Variants in AJAP1 observed in about 807,000 individuals in gnomAD.
AJAP1 encodes the protein adherens junction-associated protein 1.
In AJAP1, 5 loss-of-function variants were observed where a neutral mutation model predicts 35.0. That is an observed-to-expected ratio of 0.14 (90% CI 0.07 to 0.30). AJAP1 has a LOEUF of 0.30. AJAP1 is among the 10% of genes least tolerant of loss of function. The pLI is 1.00. For synonymous variants in AJAP1, 284 were observed against 249.3 expected (o/e 1.14, Z -1.31); for missense variants, 586 against 571.0 (o/e 1.03, Z -0.27).
chr1:4,773,994 T>G (rs1038072420), intron 4 of AJAP1, among the ~76,000 whole-genome samples: 1 of 152,216 alleles, frequency 6.6e-6, no homozygotes, highest in African/African-American at 2.4e-5. Context: ...AAATGGTAGC[T>G]TAGTCTCAAA....
chr1:4,758,426 C>T (rs749341909), intron 2 of AJAP1, among the ~76,000 whole-genome samples: 3 of 152,126 alleles, frequency 2.0e-5, no homozygotes, highest in Admixed American at 2.0e-4. Context: ...GGGGTGGCCT[C>T]AGGAAACTTA....
Position 4,790,806 on chromosome 1 carries a change from A to T in AJAP1, c.*8321A>T, listed in dbSNP as rs1019524465. The T allele has an allele frequency of 6.6e-6, 1 of 152,302 alleles. No homozygotes were observed. Among genetic ancestry groups the T allele is most frequent in the African/African-American group, 2.4e-5 (1 of 41,578 alleles). 9.4% of individuals were successfully genotyped at this position (152,302 alleles called of 1,614,324 possible). A position where few individuals can be genotyped will look rare whatever the true frequency, so the allele number is the denominator to read the frequency against. ...GTGAAGATGGAAGAACAAAGTCCAC[A>T]TCAGTTTCTGCTCCTTCAAACAGTG... On this transcript the variant is annotated 3_prime_UTR_variant, in exon 6 of 6. Transcript: ENST00000378191.
Position 4,769,960 on chromosome 1 carries a change from T to G in AJAP1, c.917+20T>G, listed in dbSNP as rs776535148. On this transcript the variant is annotated intron_variant, in intron 3 of 5. Coordinates refer to ENST00000378191, the MANE Select transcript of AJAP1 (RefSeq NM_018836.4). ...AAATTGGTAAGGCTCCTTGGGCCCT[T>G]CTGGCCCAGAAATGGGGGACTACCG... 3.1e-6 allele frequency: 5 copies of G among 1,595,748 alleles called. No individual in the cohort carries two copies. In the East Asian group the frequency reaches 1.1e-4, roughly 36 times the overall value.
rs202093297 is a variant in AJAP1, at chr1:4,686,275, AT to A, written c.30-25622del. ...AATTGAGTGGCTTATAACAGCAGAC[AT>A]TTGTTGTCTCGGTCTGGCAGCTAGA... On this transcript the variant is annotated intron_variant, in intron 1 of 5. Transcript: ENST00000378191. Among the ~76,000 whole-genome samples, 995 of 152,244 alleles carry A rather than the reference AT, an allele frequency of 6.5e-3. 10 individuals are homozygous for A. Among genetic ancestry groups the A allele is most frequent in the African/African-American group, 0.022 (894 of 41,546 alleles).
At chr1:4,697,031 T>C (rs913787750) in intron 1 of AJAP1, among the ~76,000 whole-genome samples, 5 of 152,166 alleles carry the variant, frequency 3.3e-5, no homozygotes, top group African/African-American at 1.2e-4. Flanking sequence ...ATGGTGTGTG[T>C]GTGTGCACCT....
intron 2 of AJAP1, among the ~76,000 whole-genome samples, chr1:4,768,153 A>G (rs2100356319): frequency 6.6e-6 from 1 of 152,348 alleles, no homozygotes; most frequent in East Asian, 1.9e-4. Flanking sequence ...CAGAACTGCA[A>G]TGAATGCAGC....
chr1:4,692,005 C>T lies in AJAP1; in HGVS notation c.30-19895C>T, dbSNP rs531123508. 6.6e-6 allele frequency among the ~76,000 whole-genome samples: 1 copy of T among 152,110 alleles called. No individual in the cohort carries two copies. Among genetic ancestry groups the T allele is most frequent in the Non-Finnish European group, 1.5e-5 (1 of 68,002 alleles). On this transcript the variant is annotated intron_variant, in intron 1 of 5. Coordinates refer to ENST00000378191, the MANE Select transcript of AJAP1 (RefSeq NM_018836.4). This position sits in a 1 kb window ranked among gnomAD's most constrained non-coding sequence, Gnocchi z 4.4. ...GGGGTGGGGACGGGGTTGGAGGGAG[C>T]CAAGAACAGCCTTTGCCCCAGGCCG...
Position 4,718,074 on chromosome 1 carries a change from T to C in AJAP1, c.829+5375T>C, listed in dbSNP as rs867271864. Among the ~76,000 whole-genome samples, 57 of 152,162 alleles carry C rather than the reference T, an allele frequency of 3.7e-4. No individual in the cohort carries two copies. The Middle Eastern group carries it at 0.014, about 36-fold the overall frequency. ...ACTTTGTAGACAGCAAGGCTGGTCT[T>C]TAGGGTCTTAACTGGGATCTTCTGA... On this transcript the variant is annotated intron_variant, in intron 2 of 5. Coordinates refer to ENST00000378191, the MANE Select transcript of AJAP1 (RefSeq NM_018836.4).
intron 1 of AJAP1, among the ~76,000 whole-genome samples, chr1:4,704,340 A>G (rs1009633122): frequency 4.1e-5 from 5 of 121,182 alleles, no homozygotes; most frequent in Non-Finnish European, 8.0e-5. Context: ...CCAGAGTGTG[A>G]TGTTCCCCTT....
chr1:4,744,639 ACACAC>A (rs1484280190), intron 2 of AJAP1, among the ~76,000 whole-genome samples: 2 of 151,594 alleles, frequency 1.3e-5, no homozygotes, highest in Non-Finnish European at 2.9e-5. Context: ...ACACACACAC[ACACAC>A]ACACACACAT....
intron 1 of AJAP1, among the ~76,000 whole-genome samples, chr1:4,696,383 TA>T (rs1270348148): frequency 1.3e-5 from 2 of 152,140 alleles, no homozygotes; most frequent in African/African-American, 4.8e-5. Flanking sequence ...ATGATCTCAT[TA>T]GGGGGAGTTG....
chr1:4,729,472 C>T (rs917597332), intron 2 of AJAP1, among the ~76,000 whole-genome samples: 3 of 141,140 alleles, frequency 2.1e-5, no homozygotes, highest in South Asian at 2.3e-4. Context: ...TCGAGACTCA[C>T]GGGGTGGGAC....
In AJAP1 at chr1:4,692,605, C is replaced by T. The variant is rs1401617447; in HGVS notation, c.30-19295C>T. On this transcript the variant is annotated intron_variant, in intron 1 of 5. Coordinates refer to ENST00000378191, the MANE Select transcript of AJAP1 (RefSeq NM_018836.4). This position sits in a 1 kb window ranked among gnomAD's most constrained non-coding sequence, Gnocchi z 4.4. ...ATGGCGGGGCCTTCCCTAGTGGACC[C>T]CACAAATCAAGCCTCATCATTCCTT... Among the ~76,000 whole-genome samples, 3 of 152,190 alleles carry T rather than the reference C, an allele frequency of 2.0e-5. No individual in the cohort carries two copies. Among genetic ancestry groups the T allele is most frequent in the Non-Finnish European group, 4.4e-5 (3 of 68,044 alleles).
In AJAP1 at chr1:4,789,954, G is replaced by C. The variant is rs1262303108; in HGVS notation, c.*7469G>C. The C allele has an allele frequency of 6.6e-6, 1 of 152,160 alleles. No individual in the cohort carries two copies. Among genetic ancestry groups the C allele is most frequent in the Admixed American group, 6.5e-5 (1 of 15,270 alleles). 9.4% of individuals were successfully genotyped at this position (152,160 alleles called of 1,614,324 possible). ...TGAACACCATTGTACCAATCCCCGG[G>C]CCAGTGTCTCATTTCCTAACAGAAT... On this transcript the variant is annotated 3_prime_UTR_variant, in exon 6 of 6. Transcript: ENST00000378191. The surrounding 1 kb of genome is among the most constrained non-coding windows in gnomAD (Gnocchi z 4.4).
chr1:4,731,836 C>T (rs1293032596), intron 2 of AJAP1, among the ~76,000 whole-genome samples: 1 of 152,236 alleles, frequency 6.6e-6, no homozygotes, highest in African/African-American at 2.4e-5. Context: ...CCTACCCTTC[C>T]GCCCCTGTCC....
Position 4,756,226 on chromosome 1 carries a change from C to T in AJAP1, c.830-13627C>T, listed in dbSNP as rs183843199. 6.6e-5 allele frequency among the ~76,000 whole-genome samples: 10 copies of T among 152,256 alleles called. No individual in the cohort carries two copies. In the East Asian group the frequency reaches 1.4e-3, roughly 21 times the overall value. ...TGGTCCCCTTTTCACATCACGGGCC[C>T]CAAAACAGAAGCAGCCCACAGTGGT... On this transcript the variant is annotated intron_variant, in intron 2 of 5. Transcript: ENST00000378191.
At chr1:4,709,043 A>G (rs992124675) in intron 1 of AJAP1, among the ~76,000 whole-genome samples, 8 of 152,234 alleles carry the variant, frequency 5.3e-5, no homozygotes, top group African/African-American at 1.9e-4. Context: ...ATAGTAACCA[A>G]TTACAGCCAT....
chr1:4,693,175 A>G lies in AJAP1; in HGVS notation c.30-18725A>G, dbSNP rs112673996. 0.025 allele frequency among the ~76,000 whole-genome samples: 3,827 copies of G among 152,054 alleles called. 144 individuals are homozygous for G. Among genetic ancestry groups the G allele is most frequent in the African/African-American group, 0.085 (3,527 of 41,464 alleles). On this transcript the variant is annotated intron_variant, in intron 1 of 5. Coordinates refer to ENST00000378191, the MANE Select transcript of AJAP1 (RefSeq NM_018836.4). This position sits in a 1 kb window ranked among gnomAD's most constrained non-coding sequence, Gnocchi z 4.4. ...CCGAGGAAACCTTGGAGAAGCCCCCATGAAGGCCCCATGCTGCCCAGGATT... is the reference window on the plus strand; with the variant it reads ...CCGAGGAAACCTTGGAGAAGCCCCCGTGAAGGCCCCATGCTGCCCAGGATT...
intron 1 of AJAP1, among the ~76,000 whole-genome samples, chr1:4,689,677 G>C (rs1639693447): frequency 6.6e-6 from 1 of 152,240 alleles, no homozygotes; most frequent in Non-Finnish European, 1.5e-5. Context: ...AGCTTTCGGG[G>C]TTGACTGTTG....
Sources: allele counts gnomAD v4.1 joint callset (sites outside exome capture counted in the v4.1 genomes callset), GRCh38; gene constraint gnomAD v4.1.1; non-coding constraint Gnocchi (gnomAD v3.1); transcripts MANE v1.5; gene names NCBI Gene and HGNC (gene_info 2026-07-23, HGNC 2026-07-21).